SLCO1B1: variants seen among roughly 807,000 people sequenced by gnomAD.
The protein encoded by SLCO1B1 is OATP-2.
A neutral mutation model predicts 70.1 loss-of-function variants in SLCO1B1; 81 were observed. The ratio of observed to expected loss-of-function variants is 1.16; its 90% CI spans 0.97 to 1.39. The LOEUF (loss-of-function observed/expected upper bound fraction) is 1.39. Ranked by LOEUF, SLCO1B1 falls within the 40% of genes most tolerant of loss-of-function variation. The pLI is 0.00. For missense variants in SLCO1B1, 895 were observed against 799.6 expected (o/e 1.12, Z -1.44); for synonymous variants, 283 against 271.5 (o/e 1.04, Z -0.42).
intron 7 of SLCO1B1, among the ~76,000 whole-genome samples, chr12:21,182,868 A>C (rs1940921440): frequency 6.6e-6 from 1 of 152,166 alleles, no homozygotes; most frequent in African/African-American, 2.4e-5. Flanking sequence ...GCCAGTGCAG[A>C]ATGAGACATG....
At chr12:21,214,405 GGC>G in intron 11 of SLCO1B1, among the ~76,000 whole-genome samples, 1 of 148,770 alleles carries the variant, frequency 6.7e-6, no homozygotes, top group African/African-American at 2.5e-5. Context: ...CACTTGAGGA[GGC>G]AGTGTGCCCG....
intron 2 of SLCO1B1, among the ~76,000 whole-genome samples, chr12:21,160,461 T>C (rs576855597): frequency 2.6e-5 from 4 of 151,192 alleles, no homozygotes; most frequent in Non-Finnish European, 4.4e-5. Context: ...CCTTACACCA[T>C]ACATAAAAAT....
intron 2 of SLCO1B1, among the ~76,000 whole-genome samples, chr12:21,164,477 C>T (rs1257195614): frequency 2.0e-5 from 3 of 152,046 alleles, no homozygotes; most frequent in African/African-American, 7.2e-5. Context: ...CATCTCTACT[C>T]TTTTTTATTT....
chr12:21,135,933 T>C (rs1027031488), intron 1 of SLCO1B1, among the ~76,000 whole-genome samples: 110 of 152,330 alleles, frequency 7.2e-4, no homozygotes, highest in Non-Finnish European at 1.4e-3. Context: ...CTAGCCTTGA[T>C]GGTCTTTACA....
At chr12:21,140,414 A>G (rs1361942693) in intron 1 of SLCO1B1, among the ~76,000 whole-genome samples, 1 of 152,082 alleles carries the variant, frequency 6.6e-6, no homozygotes, top group Non-Finnish European at 1.5e-5. Context: ...CAGTTGAAGT[A>G]AAAAGTTAAC....
chr12:21,176,651 A>G, intron 4 of SLCO1B1, 125 bp from the exon 5 acceptor site: 1 of 749,928 alleles, frequency 1.3e-6, no homozygotes, highest in Non-Finnish European at 2.3e-6. Context: ...AAATTGACAG[A>G]AAGTACTCTG....
chr12:21,214,597 G>C (rs926529535), intron 11 of SLCO1B1, among the ~76,000 whole-genome samples: 1 of 138,590 alleles, frequency 7.2e-6, no homozygotes, highest in Non-Finnish European at 1.6e-5. Context: ...CGCCCACTTC[G>C]AGCTTCCAGG....
intron 11 of SLCO1B1, among the ~76,000 whole-genome samples, chr12:21,215,051 AC>A (rs1941342099): frequency 6.6e-6 from 1 of 152,156 alleles, no homozygotes; most frequent in Non-Finnish European, 1.5e-5. Context: ...GGAGCTGTAG[AC>A]CGGAGCTGTT....
chr12:21,144,935 A>G (rs1368623512), intron 2 of SLCO1B1, among the ~76,000 whole-genome samples: 1 of 152,170 alleles, frequency 6.6e-6, no homozygotes, highest in Non-Finnish European at 1.5e-5. Context: ...AAATGAAAGA[A>G]TGATACCTGT....
Position 21,202,577 on chromosome 12 carries a change from G to A in SLCO1B1, c.1222G>A (p.Ala408Thr), listed in dbSNP as rs575299037. Residue 408 changes from alanine (A) to threonine (T), a missense_variant, in exon 10 of 15, where the codon GCC becomes ACC. Physicochemically the swap from Ala to Thr is moderately conservative, Grantham distance 58. Coordinates refer to ENST00000256958, the MANE Select transcript of SLCO1B1 (RefSeq NM_006446.5). ...KKFKLNTVGI[A>T]KFSCFTAVMS... ...ATTCAAACTGAACACCGTTGGAATT[G>A]CCAAATTCTCATGTTTTACTGCTGT... The A allele has an allele frequency of 6.2e-7, 1 of 1,612,102 alleles. No individual in the cohort carries two copies. The highest frequency in any genetic ancestry group is 8.5e-7 in the Non-Finnish European group (1 of 1,178,930).
At chr12:21,180,025 T>G (rs1345860346) in intron 7 of SLCO1B1, among the ~76,000 whole-genome samples, 1 of 152,138 alleles carries the variant, frequency 6.6e-6, no homozygotes, top group African/African-American at 2.4e-5. Context: ...ACAATCAATT[T>G]CTACCTACTT....
intron 2 of SLCO1B1, among the ~76,000 whole-genome samples, chr12:21,142,575 A>G (rs1219862733): frequency 6.6e-6 from 1 of 151,982 alleles, no homozygotes; most frequent in African/African-American, 2.4e-5. Context: ...AATGTTATAA[A>G]AGGTTCCTTT....
intron 2 of SLCO1B1, among the ~76,000 whole-genome samples, chr12:21,144,362 C>T (rs577569730): frequency 6.6e-6 from 1 of 151,408 alleles, no homozygotes; most frequent in East Asian, 1.9e-4. Context: ...CACAAGCAGA[C>T]AAAATTAAAG....
chr12:21,137,789 G>A (rs1030904146), intron 1 of SLCO1B1, among the ~76,000 whole-genome samples: 7 of 152,182 alleles, frequency 4.6e-5, no homozygotes, highest in African/African-American at 1.4e-4. Context: ...TGCTTCCCGG[G>A]TGAGGCAATG....
intron 2 of SLCO1B1, among the ~76,000 whole-genome samples, chr12:21,169,497 C>G (rs1317332086): frequency 6.6e-6 from 1 of 152,010 alleles, no homozygotes; most frequent in Non-Finnish European, 1.5e-5. Flanking sequence ...AGCCAAGTTA[C>G]CTGTTGAGTC....
rs61176925 is a variant in SLCO1B1 at position 21,202,627 on chromosome 12, A to C, written c.1272A>C (p.Leu424Phe). Reference sequence around the variant, plus strand: ...TGATGTCATTGTCCTTTTACCTATTATATTTTTTCATACTCTGTGAAAACA... The same window carrying C: ...TGATGTCATTGTCCTTTTACCTATTCTATTTTTTCATACTCTGTGAAAACA... ...TAVMSLSFYL[L>F]YFFILCENKS... Residue 424 changes from leucine (L) to phenylalanine (F), a missense_variant, in exon 10 of 15, where the codon TTA becomes TTC. Leu to Phe is a conservative substitution (Grantham distance 22). Transcript: ENST00000256958. 6.2e-7 allele frequency: 1 copy of C among 1,612,920 alleles called. No individual in the cohort carries two copies. The highest frequency in any genetic ancestry group is 1.3e-5 in the African/African-American group (1 of 74,988).
rs180888034 is a variant in SLCO1B1 at position 21,141,572 on chromosome 12, A to G, written c.-3A>G. The stretch of plus-strand genomic sequence containing the variant: ...ACATTTGTATGATATCTATATTTCA[A>G]TCATGGACCAAAATCAACATTTGAA... On this transcript the variant is annotated 5_prime_UTR_variant, in exon 2 of 15. Transcript: ENST00000256958. 2.1e-5 allele frequency: 33 copies of G among 1,600,182 alleles called. No individual in the cohort carries two copies. The highest frequency in any genetic ancestry group is 1.7e-4 in the Middle Eastern group (1 of 6,002).
At chr12:21,200,730 T>G (rs900955313) in intron 9 of SLCO1B1, 58 bp downstream of exon 9, 9 of 1,417,000 alleles carry the variant, frequency 6.4e-6, no homozygotes, top group Non-Finnish European at 8.8e-6. Context: ...AATACTGTAT[T>G]CCAAGTGGTA....
intron 2 of SLCO1B1, among the ~76,000 whole-genome samples, chr12:21,143,970 T>C (rs1940348269): frequency 6.6e-6 from 1 of 151,966 alleles, no homozygotes; most frequent in Admixed American, 6.6e-5. Flanking sequence ...AAATTGATAA[T>C]ATATCCGTGG....
Sources: allele counts gnomAD v4.1 joint callset (sites outside exome capture counted in the v4.1 genomes callset), GRCh38; gene constraint gnomAD v4.1.1; transcripts MANE v1.5; gene names NCBI Gene and HGNC (gene_info 2026-07-23, HGNC 2026-07-21).